Variants in DOCK2 observed in about 807,000 individuals in gnomAD.
DOCK2 encodes the protein dedicator of cytokinesis protein 2.
Under a neutral mutation model 248.9 loss-of-function variants are expected in DOCK2, and 87 were observed. The observed-to-expected ratio is 0.35, with a 90% CI of 0.29 to 0.42. The LOEUF is 0.42. Among genes scored for constraint, DOCK2 ranks in the 10% least tolerant of loss-of-function variants. The pLI is 1.00. For synonymous variants in DOCK2, 805 were observed against 821.6 expected, an observed-to-expected ratio of 0.98 and a Z score of 0.35; for missense variants, 1,747 against 2,300.2, an observed-to-expected ratio of 0.76 and a Z score of 4.92.
At chr5:169,833,182 A>ACAATCATATTTTTATTGTCAT (rs1260408016) in intron 26 of DOCK2, among the ~76,000 whole-genome samples, 59 of 152,322 alleles carry the variant, frequency 3.9e-4, no homozygotes, top group African/African-American at 1.3e-3. Context: ...AACCTTAGAC[A>ACAATCATATTTTTATTGTCAT]TTTACATGAC....
rs566427920 is a variant in DOCK2, at chr5:169,792,593, C to T, written c.2555-10465C>T. Among the ~76,000 whole-genome samples, 112 of 152,156 alleles carry T rather than the reference C, an allele frequency of 7.4e-4. 1 individual carries two copies. Among genetic ancestry groups the T allele is most frequent in the African/African-American group, 2.6e-3 (109 of 41,490 alleles). On this transcript the variant is annotated intron_variant, in intron 25 of 51. Coordinates refer to ENST00000520908, the MANE Select transcript of DOCK2 (RefSeq NM_004946.3). ...TCCCGAGTAGCTGGGACTGCAGGTG[C>T]ATGCCCAGCACCCAGCTAGGAATCC...
At chr5:169,663,334 G>T (rs55654019) in intron 2 of DOCK2, among the ~76,000 whole-genome samples, 6 of 152,188 alleles carry the variant, frequency 3.9e-5, no homozygotes, top group South Asian at 2.1e-4. Flanking sequence ...AGGTTTTCTA[G>T]GCACACAGTG....
intron 27 of DOCK2, among the ~76,000 whole-genome samples, chr5:169,901,064 A>C (rs1409032771): frequency 6.6e-6 from 1 of 152,192 alleles, no homozygotes; most frequent in Admixed American, 6.5e-5. Flanking sequence ...TGTGACCAAA[A>C]AATAGAGGCC....
At chr5:169,810,929 G>A (rs540152932) in intron 26 of DOCK2, among the ~76,000 whole-genome samples, 7 of 151,238 alleles carry the variant, frequency 4.6e-5, no homozygotes, top group African/African-American at 1.2e-4. Flanking sequence ...GAATATGCAC[G>A]TGTGGTTTTG....
intron 38 of DOCK2, among the ~76,000 whole-genome samples, chr5:170,042,553 C>A (rs906833669): frequency 2.6e-5 from 4 of 152,224 alleles, no homozygotes; most frequent in Admixed American, 1.3e-4. Context: ...CTCATTTCAT[C>A]CCTGCTGGGG....
intron 27 of DOCK2, among the ~76,000 whole-genome samples, chr5:169,916,934 G>T (rs993418289): frequency 2.6e-5 from 4 of 152,170 alleles, no homozygotes; most frequent in African/African-American, 9.7e-5. Context: ...TAGCCACTAT[G>T]CTGTAAAGAA....
At chr5:169,680,183 C>T (rs993625095) in intron 6 of DOCK2, among the ~76,000 whole-genome samples, 1 of 152,212 alleles carries the variant, frequency 6.6e-6, no homozygotes, top group African/African-American at 2.4e-5. Context: ...AGCTATATGA[C>T]CTTGAGCAAT....
chr5:169,844,604 C>T (rs1254682472), intron 27 of DOCK2, among the ~76,000 whole-genome samples: 2 of 152,230 alleles, frequency 1.3e-5, no homozygotes, highest in African/African-American at 4.8e-5. Flanking sequence ...GTTTTGTTTA[C>T]CCACATCCCC....
intron 22 of DOCK2, among the ~76,000 whole-genome samples, chr5:169,738,119 T>C (rs570925714): frequency 6.6e-6 from 1 of 152,284 alleles, no homozygotes; most frequent in South Asian, 2.1e-4. Context: ...TGCTTGGTGG[T>C]GGGGATAGAC....
At chr5:170,034,609 G>T (rs1373744854) in intron 35 of DOCK2, 54 bp downstream of exon 35, 8 of 1,601,548 alleles carry the variant, frequency 5.0e-6, no homozygotes, top group Non-Finnish European at 6.8e-6. Context: ...GGGGGCTTGG[G>T]CTTGGCTTTG....
rs554420350 is a variant in DOCK2, at chr5:169,735,422, A to G, written c.2268-11974A>G. Reference sequence around the variant, plus strand: ...CTGCTCTTCCCTCTCCTTCTTACCTAATTTTCTCTTATTTATCTTTCCTGT... The same window carrying G: ...CTGCTCTTCCCTCTCCTTCTTACCTGATTTTCTCTTATTTATCTTTCCTGT... On this transcript the variant is annotated intron_variant, in intron 22 of 51. Transcript: ENST00000520908. 3.3e-5 allele frequency among the ~76,000 whole-genome samples: 5 copies of G among 151,970 alleles called. No homozygotes were observed. The South Asian group carries it at 1.0e-3, about 32-fold the overall frequency.
At chr5:169,739,551 T>TA (rs1472620643) in intron 22 of DOCK2, among the ~76,000 whole-genome samples, 4 of 152,246 alleles carry the variant, frequency 2.6e-5, no homozygotes. Context: ...ATGGGCATGT[T>TA]ATACCTAATC....
intron 26 of DOCK2, among the ~76,000 whole-genome samples, chr5:169,810,027 G>C (rs1046970378): frequency 2.6e-4 from 39 of 152,256 alleles, no homozygotes; most frequent in African/African-American, 8.9e-4. Flanking sequence ...GCAGAAACCA[G>C]AGTGCTATGA....
intron 27 of DOCK2, among the ~76,000 whole-genome samples, chr5:169,922,266 A>G (rs896478823): frequency 1.3e-5 from 2 of 152,240 alleles, no homozygotes; most frequent in East Asian, 1.9e-4. Context: ...ATCTCATCTT[A>G]TGGAGGAAAA....
At position 169,699,347 on chromosome 5, in the gene DOCK2, G is replaced by A. The variant is rs113783101; in HGVS notation, c.1056-35G>A. 1.4e-5 allele frequency: 22 copies of A among 1,605,040 alleles called. No homozygotes were observed. The Admixed American group carries it at 2.0e-4, about 15-fold the overall frequency. ...ACCCCTTGAAACGCAAGGAGGACAC[G>A]ATGTGGACATTTCATGCTCTCTTTT... is the stretch of plus-strand genomic sequence containing the variant. On this transcript the variant is annotated intron_variant, in intron 11 of 51. Coordinates refer to ENST00000520908, the MANE Select transcript of DOCK2 (RefSeq NM_004946.3).
chr5:169,769,919 G>A (rs1477438876), intron 25 of DOCK2, among the ~76,000 whole-genome samples: 1 of 152,166 alleles, frequency 6.6e-6, no homozygotes, highest in African/African-American at 2.4e-5. Context: ...TGTAAGTTTT[G>A]TTTTATTTAC....
At chr5:169,989,261 C>A (rs1330847337) in intron 29 of DOCK2, among the ~76,000 whole-genome samples, 1 of 152,170 alleles carries the variant, frequency 6.6e-6, no homozygotes, top group African/African-American at 2.4e-5. Context: ...TGGTAAGCTG[C>A]AACACAGTAA....
At chr5:169,834,977 T>C (rs190944814) in intron 26 of DOCK2, among the ~76,000 whole-genome samples, 4 of 151,998 alleles carry the variant, frequency 2.6e-5, no homozygotes, top group African/African-American at 9.6e-5. Context: ...AATTGGGAGA[T>C]AGTACTTAAA....
chr5:169,879,755 G>A (rs947799212), intron 27 of DOCK2, among the ~76,000 whole-genome samples: 1 of 152,096 alleles, frequency 6.6e-6, no homozygotes, highest in Non-Finnish European at 1.5e-5. Context: ...GGACTCTTGG[G>A]GCCATTTAAT....
Sources: gnomAD v4.1 joint callset for allele counts (sites outside exome capture counted in the v4.1 genomes callset) on GRCh38, gnomAD v4.1.1 for gene constraint, MANE v1.5 for transcripts, NCBI Gene and HGNC (gene_info 2026-07-23, HGNC 2026-07-21) for gene names.